The following SNCAIP variants were observed in gnomAD, a reference collection of about 807,000 sequenced individuals.
SNCAIP encodes the protein synphilin-1.
In SNCAIP, 43 loss-of-function variants were observed where a neutral mutation model predicts 86.7. That is an observed-to-expected ratio of 0.50 (90% CI 0.39 to 0.64). The LOEUF is 0.64. SNCAIP is among the 30% of genes least tolerant of loss of function. The probability of loss-of-function intolerance (pLI) is 0.00; values close to 1 mark genes in which losing one functional copy is unlikely to be tolerated. For missense variants in SNCAIP, 981 were observed against 1,103.1 expected (o/e 0.89, Z 1.57); for synonymous variants, 417 against 427.2 (o/e 0.98, Z 0.29).
chr5:122,317,315 C>T (rs1285064157), intron 1 of SNCAIP, among the ~76,000 whole-genome samples: 1 of 152,216 alleles, frequency 6.6e-6, no homozygotes, highest in Non-Finnish European at 1.5e-5. Flanking sequence ...AGGGCATATA[C>T]TGGCTACTGT....
intron 5 of SNCAIP, among the ~76,000 whole-genome samples, chr5:122,430,984 T>C (rs1778305372): frequency 6.6e-6 from 1 of 152,196 alleles, no homozygotes; most frequent in Admixed American, 6.5e-5. Flanking sequence ...CATCCCTTAA[T>C]GAAATTTTTA....
At chr5:122,439,594 G>T (rs1344720054) in intron 6 of SNCAIP, among the ~76,000 whole-genome samples, 1 of 152,130 alleles carries the variant, frequency 6.6e-6, no homozygotes, top group African/African-American at 2.4e-5. Context: ...ATGTTCAGAA[G>T]ATGAAGGCAA....
At chr5:122,459,274 T>A (rs1337799710) in intron 10 of SNCAIP, among the ~76,000 whole-genome samples, 1 of 152,222 alleles carries the variant, frequency 6.6e-6, no homozygotes, top group Non-Finnish European at 1.5e-5. Context: ...TGGACCATTC[T>A]ACATGGATGC....
intron 1 of SNCAIP, among the ~76,000 whole-genome samples, chr5:122,356,795 C>A (rs990632380): frequency 1.6e-4 from 24 of 152,230 alleles, no homozygotes; most frequent in African/African-American, 5.8e-4. Flanking sequence ...CATCCTGAGT[C>A]TGCCCGCTAG....
Position 122,450,641 on chromosome 5 carries a change from T to C in SNCAIP, c.1794T>C (p.Leu598=), listed in dbSNP as rs375165703. 176 of 1,614,016 alleles carry C rather than the reference T, an allele frequency of 1.1e-4. No homozygotes were observed. Among genetic ancestry groups the C allele is most frequent in the Non-Finnish European group, 1.4e-4 (167 of 1,179,988 alleles). The change falls in exon 10 of 11, where the codon CTT becomes CTC. Residue 598 remains leucine, a synonymous_variant. Transcript: ENST00000261368. ...GAGTCCAAGAGGGGATTCAGGTTCT[T>C]GGAAGCCTGTCAGCCTCCAGCCGGG... is the stretch of plus-strand genomic sequence containing the variant. ...KPGVQEGIQV[L]GSLSASSRAR... is the part of the protein sequence containing the mutation.
rs566999477 is a variant in SNCAIP at position 122,376,042 on chromosome 5, A to G, written c.-46-15047A>G. On this transcript the variant is annotated intron_variant, in intron 1 of 10. Transcript: ENST00000261368. ...CACGTGGGAACTTATGACAAATGCAAATTATTGGGCACCACCTTGACCTAT... is the reference window on the plus strand; with the variant it reads ...CACGTGGGAACTTATGACAAATGCAGATTATTGGGCACCACCTTGACCTAT... Among the ~76,000 whole-genome samples the G allele has an allele frequency of 2.6e-5, 4 of 152,294 alleles. No individual in the cohort carries two copies. In the South Asian group the frequency reaches 8.3e-4, roughly 32 times the overall value.
chr5:122,317,285 T>G (rs896035142), intron 1 of SNCAIP, among the ~76,000 whole-genome samples: 1 of 152,210 alleles, frequency 6.6e-6, no homozygotes, highest in Admixed American at 6.5e-5. Context: ...AAACCCAGTT[T>G]ATACTTGCTC....
At chr5:122,383,149 G>A (rs1490608744) in intron 1 of SNCAIP, among the ~76,000 whole-genome samples, 2 of 152,156 alleles carry the variant, frequency 1.3e-5, no homozygotes, top group African/African-American at 4.8e-5. Context: ...CCTCGCTGCA[G>A]CCTTGCAGTT....
At chr5:122,320,383 G>C (rs1752670288) in intron 1 of SNCAIP, among the ~76,000 whole-genome samples, 1 of 152,076 alleles carries the variant, frequency 6.6e-6, no homozygotes, top group Non-Finnish European at 1.5e-5. Context: ...CTGTATTCTG[G>C]GCTCTGTCCT....
At chr5:122,347,522 T>C (rs1456351973) in intron 1 of SNCAIP, among the ~76,000 whole-genome samples, 1 of 151,896 alleles carries the variant, frequency 6.6e-6, no homozygotes, top group Non-Finnish European at 1.5e-5. Context: ...CATGCTAAAA[T>C]CATAAGCATA....
At chr5:122,433,539 G>A (rs1778828521) in intron 6 of SNCAIP, among the ~76,000 whole-genome samples, 1 of 152,146 alleles carries the variant, frequency 6.6e-6, no homozygotes, top group African/African-American at 2.4e-5. Flanking sequence ...TATTTGGAGT[G>A]CTTCACACTA....
In SNCAIP at chr5:122,463,473, G is replaced by C. The variant is rs374483515; in HGVS notation, c.2755-18G>C. 2 of 1,502,138 alleles carry C rather than the reference G, an allele frequency of 1.3e-6. No homozygotes were observed. The highest frequency in any genetic ancestry group is 1.4e-5 in the African/African-American group (1 of 72,548). The allele number at this position is 1,502,138 out of a possible 1,614,324, so 93.1% of individuals were successfully genotyped here. On this transcript the variant is annotated intron_variant, in intron 10 of 10. Coordinates refer to ENST00000261368, the MANE Select transcript of SNCAIP (RefSeq NM_005460.4). ...ATAGTTTTATCTAATTTTGGCCTGT[G>C]GTTTCTCTTCTGCTTAGGCATAATG...
At chr5:122,410,745 C>T (rs190652788) in intron 3 of SNCAIP, among the ~76,000 whole-genome samples, 1 of 152,164 alleles carries the variant, frequency 6.6e-6, no homozygotes. Flanking sequence ...ATTGCTTGAG[C>T]CTGGGAGGCG....
chr5:122,414,431 A>T (rs1228302138), intron 3 of SNCAIP, among the ~76,000 whole-genome samples: 1 of 151,896 alleles, frequency 6.6e-6, no homozygotes, highest in African/African-American at 2.4e-5. Context: ...GGGTTTCACC[A>T]TGTTGGCCAG....
intron 1 of SNCAIP, among the ~76,000 whole-genome samples, chr5:122,363,226 C>A (rs1762530382): frequency 6.6e-6 from 1 of 152,082 alleles, no homozygotes; most frequent in South Asian, 2.1e-4. Context: ...CAACTCCCAA[C>A]CTCAGGTGAT....
chr5:122,351,363 A>C (rs761589794), intron 1 of SNCAIP, among the ~76,000 whole-genome samples: 11 of 151,484 alleles, frequency 7.3e-5, no homozygotes, highest in Non-Finnish European at 1.5e-4. Context: ...ATGGCGAAAC[A>C]CCATCTCTAC....
Position 122,450,516 on chromosome 5 carries a change from C to A in SNCAIP, c.1686-17C>A, listed in dbSNP as rs747747159. On this transcript the variant is annotated splice_polypyrimidine_tract_variant and intron_variant, in intron 9 of 10. Coordinates refer to ENST00000261368, the MANE Select transcript of SNCAIP (RefSeq NM_005460.4). ...CCAGTAGGAAATCATCTCATATGTC[C>A]TTCATCTTCTTTTTAGTTCACCATC... The A allele has an allele frequency of 5.1e-5, 81 of 1,577,958 alleles. No individual in the cohort carries two copies. The highest frequency in any genetic ancestry group is 6.9e-5 in the Non-Finnish European group (79 of 1,147,182).
intron 1 of SNCAIP, among the ~76,000 whole-genome samples, chr5:122,353,271 A>G (rs765472930): frequency 3.3e-5 from 5 of 152,104 alleles, no homozygotes; most frequent in South Asian, 2.1e-4. Flanking sequence ...AAACCAATCT[A>G]TTGTGTTGGG....
At chr5:122,312,827 G>C (rs912682908) in intron 1 of SNCAIP, 1 of 152,380 alleles carries the variant, frequency 6.6e-6, no homozygotes, top group Non-Finnish European at 1.5e-5. Flanking sequence ...TCCCTCTAGT[G>C]CTGTTCTGCG....
Sources: allele counts gnomAD v4.1 joint callset (sites outside exome capture counted in the v4.1 genomes callset), GRCh38; gene constraint gnomAD v4.1.1; transcripts MANE v1.5; gene names NCBI Gene and HGNC (gene_info 2026-07-23, HGNC 2026-07-21).